ASCC3: variants seen among roughly 807,000 people sequenced by gnomAD.
ASCC3 encodes ASC-1 complex subunit P200.
Under a neutral mutation model 256.3 loss-of-function variants are expected in ASCC3, and 158 were observed. That is an observed-to-expected ratio of 0.62 (90% confidence interval 0.54 to 0.70). The LOEUF (loss-of-function observed/expected upper bound fraction) is 0.70. Ranked by LOEUF, ASCC3 falls within the 30% of genes least tolerant of loss-of-function variation. The pLI, the probability that ASCC3 is intolerant of heterozygous loss-of-function variation, is 0.00. For missense variants in ASCC3, 2,259 were observed against 2,626.0 expected (o/e 0.86, Z 3.05); for synonymous variants, 948 against 883.4 (o/e 1.07, Z -1.30).
At chr6:100,571,076 C>T (rs1026705461) in intron 36 of ASCC3, among the ~76,000 whole-genome samples, 1 of 152,146 alleles carries the variant, frequency 6.6e-6, no homozygotes, top group African/African-American at 2.4e-5. Context: ...CCTCTGAACA[C>T]TTAGGATAAA....
At chr6:100,578,266 A>G (rs1770987353) in intron 36 of ASCC3, among the ~76,000 whole-genome samples, 1 of 152,094 alleles carries the variant, frequency 6.6e-6, no homozygotes, top group Non-Finnish European at 1.5e-5. Flanking sequence ...TTAAGTAATT[A>G]ATTAAACTTT....
At chr6:100,861,584 C>T (rs1438146488) in intron 3 of ASCC3, among the ~76,000 whole-genome samples, 3 of 152,076 alleles carry the variant, frequency 2.0e-5, no homozygotes, top group Non-Finnish European at 4.4e-5. Flanking sequence ...CTGACTACTA[C>T]TCAACTTAAG....
intron 4 of ASCC3, among the ~76,000 whole-genome samples, chr6:100,832,886 C>A (rs1269875316): frequency 1.3e-5 from 2 of 151,878 alleles, no homozygotes; most frequent in Admixed American, 1.3e-4. Flanking sequence ...AAATGAAATA[C>A]AGTTAAAGCA....
At chr6:100,581,926 C>A (rs1294707212) in intron 36 of ASCC3, among the ~76,000 whole-genome samples, 2 of 151,898 alleles carry the variant, frequency 1.3e-5, no homozygotes, top group African/African-American at 2.4e-5. Context: ...GGGCTCTGTT[C>A]TGTTCCATTG....
At chr6:100,816,493 G>C (rs1465763121) in intron 4 of ASCC3, among the ~76,000 whole-genome samples, 2 of 152,108 alleles carry the variant, frequency 1.3e-5, no homozygotes, top group African/African-American at 2.4e-5. Flanking sequence ...CAATAGCAAA[G>C]ATATGGAGTC....
intron 4 of ASCC3, among the ~76,000 whole-genome samples, chr6:100,806,375 C>T (rs192357441): frequency 2.6e-5 from 4 of 152,014 alleles, no homozygotes; most frequent in Admixed American, 1.3e-4. Context: ...AAATCTAAAA[C>T]AAAGTGCTGC....
Position 100,848,481 on chromosome 6 carries a change from T to C in ASCC3, c.468A>G (p.Glu156=), listed in dbSNP as rs866471392. ...LTALVQMTEK[E]HGDRVFFGKN... ...TACCAAAAAAAACCCTATCGCCATGTTCTTTTTCTGTCATCTGCACAAGAG... is the reference window on the plus strand; with the variant it reads ...TACCAAAAAAAACCCTATCGCCATGCTCTTTTTCTGTCATCTGCACAAGAG... The change falls in exon 4 of 42, where the codon GAA becomes GAG. Residue 156 remains glutamate, a synonymous_variant. Transcript: ENST00000369162. 1 of 1,613,296 alleles carries C rather than the reference T, an allele frequency of 6.2e-7. No homozygotes were observed. Among genetic ancestry groups the C allele is most frequent in the Middle Eastern group, 1.7e-4 (1 of 6,058 alleles).
chr6:100,518,142 C>G lies in ASCC3; in HGVS notation c.5776G>C (p.Ala1926Pro). Residue 1926 changes from alanine (A) to proline (P), a missense_variant and splice_region_variant, in exon 38 of 42, where the codon GCA (alanine) becomes CCA (proline). Ala to Pro is a conservative substitution (Grantham distance 27). Coordinates refer to ENST00000369162, the MANE Select transcript of ASCC3 (RefSeq NM_006828.4). ...TGGTTTGCAGCCACGTCCAGCATTG[C>G]CTGAACAGGGAAAATGCACATGTTA... is the stretch of plus-strand genomic sequence containing the variant. ...VLDQALRVCQ[A>P]MLDVAANQGW... The G allele has an allele frequency of 6.2e-7, 1 of 1,613,326 alleles. No homozygotes were observed.
intron 4 of ASCC3, among the ~76,000 whole-genome samples, chr6:100,809,257 A>G (rs562907873): frequency 1.3e-5 from 2 of 152,020 alleles, no homozygotes; most frequent in Non-Finnish European, 2.9e-5. Context: ...TAACTGTTTG[A>G]CTCTTTTATA....
chr6:100,724,091 C>T (rs1342023358), intron 11 of ASCC3, among the ~76,000 whole-genome samples: 1 of 138,968 alleles, frequency 7.2e-6, no homozygotes, highest in Admixed American at 7.3e-5. Flanking sequence ...ATAAACATTA[C>T]AAGATTGAGA....
chr6:100,759,477 A>G (rs1282242194), intron 10 of ASCC3, among the ~76,000 whole-genome samples: 1 of 152,120 alleles, frequency 6.6e-6, no homozygotes, highest in African/African-American at 2.4e-5. Context: ...TTTTCCCAGC[A>G]CCATTTATTG....
intron 36 of ASCC3, among the ~76,000 whole-genome samples, chr6:100,581,887 T>G (rs1463810377): frequency 3.3e-5 from 5 of 149,906 alleles, no homozygotes; most frequent in Admixed American, 6.7e-5. Context: ...AAAGATCAGA[T>G]AGTTGTAGAT....
chr6:100,514,582 C>T (rs1176586679), intron 39 of ASCC3, among the ~76,000 whole-genome samples: 2 of 151,454 alleles, frequency 1.3e-5, no homozygotes, highest in Non-Finnish European at 2.9e-5. Flanking sequence ...TATTTTCAAT[C>T]TACAATGTGT....
intron 13 of ASCC3, among the ~76,000 whole-genome samples, chr6:100,680,266 C>T (rs573879729): frequency 6.6e-6 from 1 of 152,258 alleles, no homozygotes; most frequent in South Asian, 2.1e-4. Context: ...CTGTGCAAGC[C>T]TTCCTGTGGA....
chr6:100,661,058 C>A (rs919767335), intron 16 of ASCC3, among the ~76,000 whole-genome samples: 24 of 151,526 alleles, frequency 1.6e-4, no homozygotes, highest in African/African-American at 5.8e-4. Context: ...TATTTGATTA[C>A]AAATATTTCA....
At chr6:100,849,710 AG>A (rs1487072087) in intron 3 of ASCC3, among the ~76,000 whole-genome samples, 1 of 152,188 alleles carries the variant, frequency 6.6e-6, no homozygotes, top group Non-Finnish European at 1.5e-5. Flanking sequence ...ATATTCTTAG[AG>A]AAGAAAAGAA....
intron 33 of ASCC3, among the ~76,000 whole-genome samples, chr6:100,605,280 T>C (rs998963094): frequency 3.3e-5 from 5 of 152,180 alleles, no homozygotes; most frequent in Admixed American, 2.0e-4. Flanking sequence ...TTAAGCAACT[T>C]GCTCAAGATC....
intron 24 of ASCC3, among the ~76,000 whole-genome samples, chr6:100,641,669 T>A (rs996743351): frequency 4.6e-5 from 7 of 152,162 alleles, no homozygotes; most frequent in Admixed American, 1.3e-4. Context: ...ACTGGGTATA[T>A]ACACAAAGGA....
intron 14 of ASCC3, among the ~76,000 whole-genome samples, chr6:100,667,578 C>A (rs1776543284): frequency 6.6e-6 from 1 of 151,922 alleles, no homozygotes; most frequent in Non-Finnish European, 1.5e-5. Context: ...ACAGAAATAA[C>A]CAAACAAAGT....
Sources: allele counts gnomAD v4.1 joint callset (sites outside exome capture counted in the v4.1 genomes callset), GRCh38; gene constraint gnomAD v4.1.1; transcripts MANE v1.5; gene names NCBI Gene and HGNC (gene_info 2026-07-23, HGNC 2026-07-21).